The following COL23A1 variants were observed in gnomAD, a reference collection of about 807,000 sequenced individuals.
COL23A1 encodes collagen alpha-1(XXIII) chain.
Under a neutral mutation model 99.3 loss-of-function variants are expected in COL23A1, and 97 were observed. That is an observed-to-expected ratio of 0.98 (90% CI 0.83 to 1.16). COL23A1 has a LOEUF of 1.16. COL23A1 is among the 50% of genes most tolerant of loss of function. The probability of loss-of-function intolerance (pLI) is 0.00; values close to 1 mark genes in which losing one functional copy is unlikely to be tolerated. For missense variants in COL23A1, 762 were observed against 757.4 expected (o/e 1.01, Z -0.07); for synonymous variants, 320 against 308.2 (o/e 1.04, Z -0.40).
intron 5 of COL23A1, among the ~76,000 whole-genome samples, chr5:178,279,179 C>T (rs1415799082): frequency 6.6e-6 from 1 of 152,240 alleles, no homozygotes; most frequent in African/African-American, 2.4e-5. Flanking sequence ...AGCTGTACCC[C>T]TGGCCTGGCA....
chr5:178,384,482 T>G lies in COL23A1; in HGVS notation c.362-77563A>C, dbSNP rs1307300100. On this transcript the variant is annotated intron_variant, in intron 2 of 28. Transcript: ENST00000390654. This position sits in a 1 kb window ranked among gnomAD's most constrained non-coding sequence, Gnocchi z 5.5. Reference sequence around the variant, plus strand: ...CCTGCCCACCCCTCCCTCGGCTTTTTGGAGGCCACGTGGACGGCGCTGAGT... The same window carrying G: ...CCTGCCCACCCCTCCCTCGGCTTTTGGGAGGCCACGTGGACGGCGCTGAGT... Among the ~76,000 whole-genome samples, 1 of 152,092 alleles carries G rather than the reference T, an allele frequency of 6.6e-6. No individual in the cohort carries two copies. The highest frequency in any genetic ancestry group is 6.5e-5 in the Admixed American group (1 of 15,284).
intron 2 of COL23A1, among the ~76,000 whole-genome samples, chr5:178,557,462 G>A (rs571100163): frequency 6.6e-5 from 10 of 152,118 alleles, no homozygotes; most frequent in Admixed American, 1.3e-4. Context: ...AGGGCCCCCC[G>A]CCAGTCCTCC....
chr5:178,447,431 T>A (rs549480427), intron 2 of COL23A1, among the ~76,000 whole-genome samples: 1 of 152,348 alleles, frequency 6.6e-6, no homozygotes, highest in Admixed American at 6.5e-5. Flanking sequence ...ATGACGCATA[T>A]ACGGCAGTGG....
At position 178,590,353 on chromosome 5, in the gene COL23A1, G is replaced by T; in HGVS notation, c.-156C>A. The T allele has an allele frequency of 1.8e-6, 1 of 546,432 alleles. No individual in the cohort carries two copies. Among genetic ancestry groups the T allele is most frequent in the Non-Finnish European group, 2.6e-6 (1 of 384,376 alleles). 33.8% of individuals were successfully genotyped at this position (546,432 alleles called of 1,614,324 possible). ...GCGGATCGCCGCGCACGCCCCCTTCGCCGCAGCCAGCTCCTCCACAGCGGC... is the reference window on the plus strand; with the variant it reads ...GCGGATCGCCGCGCACGCCCCCTTCTCCGCAGCCAGCTCCTCCACAGCGGC... On this transcript the variant is annotated 5_prime_UTR_variant, in exon 1 of 29. Coordinates refer to ENST00000390654, the MANE Select transcript of COL23A1 (RefSeq NM_173465.4). This position sits in a 1 kb window ranked among gnomAD's most constrained non-coding sequence, Gnocchi z 5.7.
intron 2 of COL23A1, chr5:178,345,077 G>C (rs1760885393): frequency 1.7e-6 from 1 of 587,482 alleles, no homozygotes; most frequent in Non-Finnish European, 3.3e-6. Flanking sequence ...AGAAGCTTTT[G>C]GTTCATCTCT....
At chr5:178,327,661 G>A (rs1759767109) in intron 2 of COL23A1, among the ~76,000 whole-genome samples, 1 of 152,166 alleles carries the variant, frequency 6.6e-6, no homozygotes, top group South Asian at 2.1e-4. Context: ...CCCACGTGCT[G>A]GAGTCTGAAC....
chr5:178,445,031 G>C (rs1767082740), intron 2 of COL23A1, among the ~76,000 whole-genome samples: 1 of 152,186 alleles, frequency 6.6e-6, no homozygotes. Context: ...ACATTGCCTG[G>C]CTAGTGCTAG....
chr5:178,522,848 C>A (rs908567177), intron 2 of COL23A1, among the ~76,000 whole-genome samples: 7 of 152,108 alleles, frequency 4.6e-5, no homozygotes, highest in African/African-American at 1.7e-4. Flanking sequence ...AGTCTCCCCC[C>A]AGTCTCTGAT....
chr5:178,280,397 T>C lies in COL23A1; in HGVS notation c.441+7927A>G, dbSNP rs1489303435. On this transcript the variant is annotated intron_variant, in intron 5 of 28. Coordinates refer to ENST00000390654, the MANE Select transcript of COL23A1 (RefSeq NM_173465.4). The surrounding 1 kb of genome is among the most constrained non-coding windows in gnomAD (Gnocchi z 4.9). The stretch of plus-strand genomic sequence containing the variant: ...TGCGTCATCTCCTTGGTTCCCCCAA[T>C]AGCTGAAGGGGCCGAGGCTTGGCGG... Among the ~76,000 whole-genome samples the C allele has an allele frequency of 2.6e-5, 4 of 151,978 alleles. No homozygotes were observed. Among genetic ancestry groups the C allele is most frequent in the Non-Finnish European group, 1.5e-5 (1 of 67,988 alleles).
chr5:178,366,505 C>T lies in COL23A1; in HGVS notation c.362-59586G>A, dbSNP rs1762487260. On this transcript the variant is annotated intron_variant, in intron 2 of 28. Transcript: ENST00000390654. This position sits in a 1 kb window ranked among gnomAD's most constrained non-coding sequence, Gnocchi z 4.4. ...GCTCACGGCGTCTTCTGCACCTGCA[C>T]TCCCATCTGACCTTTCCAGACCAAC... Among the ~76,000 whole-genome samples the T allele has an allele frequency of 1.3e-5, 2 of 152,202 alleles. No individual in the cohort carries two copies. The highest frequency in any genetic ancestry group is 2.9e-5 in the Non-Finnish European group (2 of 68,042).
At chr5:178,358,322 ATG>A (rs879786410) in intron 2 of COL23A1, among the ~76,000 whole-genome samples, 41 of 133,826 alleles carry the variant, frequency 3.1e-4, no homozygotes, top group Admixed American at 5.4e-4. Flanking sequence ...GTGTATGTGT[ATG>A]TGTATGTATG....
chr5:178,332,144 C>T (rs1007878445), intron 2 of COL23A1, among the ~76,000 whole-genome samples: 5 of 152,196 alleles, frequency 3.3e-5, no homozygotes, highest in Admixed American at 2.0e-4. Context: ...CTGGTGACAC[C>T]CCCAGACACC....
intron 5 of COL23A1, among the ~76,000 whole-genome samples, chr5:178,282,814 G>A (rs1048693582): frequency 1.3e-5 from 2 of 152,176 alleles, no homozygotes; most frequent in African/African-American, 4.8e-5. Flanking sequence ...AGCACCATGA[G>A]TGGGGGATCT....
chr5:178,452,436 G>A (rs1403907571), intron 2 of COL23A1, among the ~76,000 whole-genome samples: 1 of 152,190 alleles, frequency 6.6e-6, no homozygotes, highest in Non-Finnish European at 1.5e-5. Flanking sequence ...GAAGTTTGCA[G>A]TGATGAGAAT....
intron 1 of COL23A1, among the ~76,000 whole-genome samples, chr5:178,564,675 G>A (rs1397487793): frequency 6.6e-6 from 1 of 152,178 alleles, no homozygotes; most frequent in Non-Finnish European, 1.5e-5. Flanking sequence ...AGGGCGGCAA[G>A]AGCTCAGGGA....
intron 2 of COL23A1, among the ~76,000 whole-genome samples, chr5:178,503,305 G>A (rs1758677286): frequency 6.6e-6 from 1 of 152,052 alleles, no homozygotes; most frequent in African/African-American, 2.4e-5. Flanking sequence ...AGCCGAGATT[G>A]CACCACTGCA....
chr5:178,303,532 C>T (rs1758183043), intron 3 of COL23A1, among the ~76,000 whole-genome samples: 1 of 152,182 alleles, frequency 6.6e-6, no homozygotes, highest in South Asian at 2.1e-4. Context: ...TCCAGAAGTG[C>T]TTCTTCCACT....
chr5:178,311,708 G>A (rs1758689350), intron 2 of COL23A1, among the ~76,000 whole-genome samples: 1 of 147,956 alleles, frequency 6.8e-6, no homozygotes, highest in Non-Finnish European at 1.5e-5. Flanking sequence ...CTGAGCCACT[G>A]TGTAACTGTT....
At chr5:178,358,242 G>GTGTGTGTA (rs1554145289) in intron 2 of COL23A1, among the ~76,000 whole-genome samples, 1 of 47,054 alleles carries the variant, frequency 2.1e-5, no homozygotes, top group South Asian at 1.2e-3. Flanking sequence ...ATGTGTGTAT[G>GTGTGTGTA]TGTATGTGTG....
Sources: allele counts gnomAD v4.1 joint callset (sites outside exome capture counted in the v4.1 genomes callset), GRCh38; gene constraint gnomAD v4.1.1; non-coding constraint Gnocchi (gnomAD v3.1); transcripts MANE v1.5; gene names NCBI Gene and HGNC (gene_info 2026-07-23, HGNC 2026-07-21).